The following DGKG variants were observed in gnomAD, a reference collection of about 807,000 sequenced individuals.
DGKG encodes DAG kinase gamma.
A neutral mutation model predicts 105.3 loss-of-function variants in DGKG; 78 were observed. The observed-to-expected ratio is 0.74, with a 90% confidence interval of 0.62 to 0.89. DGKG has a LOEUF of 0.89. Ranked by LOEUF, DGKG falls within the 40% of genes least tolerant of loss-of-function variation. The pLI, the probability that DGKG is intolerant of heterozygous loss-of-function variation, is 0.00. For missense variants in DGKG, 958 were observed against 1,020.1 expected (o/e 0.94, Z 0.83); for synonymous variants, 346 against 367.1 (o/e 0.94, Z 0.66).
chr3:186,311,379 G>A (rs1438392931), intron 2 of DGKG, among the ~76,000 whole-genome samples: 1 of 152,166 alleles, frequency 6.6e-6, no homozygotes, highest in African/African-American at 2.4e-5. Flanking sequence ...CATTGTTTAA[G>A]TGGACAACAC....
intron 1 of DGKG, among the ~76,000 whole-genome samples, chr3:186,347,847 C>T (rs1310201046): frequency 6.6e-6 from 1 of 152,088 alleles, no homozygotes. Context: ...CCTCCTGAAG[C>T]GCTGGGATTA....
intron 20 of DGKG, among the ~76,000 whole-genome samples, chr3:186,233,450 A>G (rs575473743): frequency 6.6e-6 from 1 of 152,080 alleles, no homozygotes; most frequent in African/African-American, 2.4e-5. Context: ...CAACCTCCAG[A>G]ACTGTAACAC....
At chr3:186,184,292 T>C (rs1717512924) in intron 22 of DGKG, among the ~76,000 whole-genome samples, 1 of 152,168 alleles carries the variant, frequency 6.6e-6, no homozygotes, top group South Asian at 2.1e-4. Flanking sequence ...AAGGCAAAAT[T>C]TAAACCCAGA....
chr3:186,169,321 T>C (rs915175466), intron 22 of DGKG, among the ~76,000 whole-genome samples: 1 of 152,224 alleles, frequency 6.6e-6, no homozygotes, highest in Non-Finnish European at 1.5e-5. Flanking sequence ...CCCAACAAAA[T>C]CTTAACAGTG....
At chr3:186,337,587 A>G (rs193059124) in intron 1 of DGKG, among the ~76,000 whole-genome samples, 3 of 152,172 alleles carry the variant, frequency 2.0e-5, no homozygotes, top group Admixed American at 1.3e-4. Context: ...TAGAAACTCT[A>G]CTATTCAGCA....
intron 20 of DGKG, among the ~76,000 whole-genome samples, chr3:186,229,970 T>G (rs1720065562): frequency 6.6e-6 from 1 of 152,056 alleles, no homozygotes; most frequent in Admixed American, 6.5e-5. Context: ...TCAAAAACAC[T>G]GGAGATGGGC....
rs1409418007 is a variant in DGKG at position 186,361,724 on chromosome 3, G to A, written c.-249+222C>T. Among the ~76,000 whole-genome samples, 3 of 152,184 alleles carry A rather than the reference G, an allele frequency of 2.0e-5. No homozygotes were observed. The highest frequency in any genetic ancestry group is 2.9e-5 in the Non-Finnish European group (2 of 68,030). The stretch of plus-strand genomic sequence containing the variant: ...GCCTCTCAGTCGCAGAGAGAGCCGA[G>A]CCCCACCCTGTGCGTTCCCCAAGCC... On this transcript the variant is annotated intron_variant, in intron 1 of 24. Transcript: ENST00000265022. The surrounding 1 kb of genome is among the most constrained non-coding windows in gnomAD (Gnocchi z 6.8).
intron 20 of DGKG, among the ~76,000 whole-genome samples, chr3:186,215,819 C>T (rs1279358404): frequency 2.6e-5 from 4 of 152,080 alleles, no homozygotes; most frequent in Non-Finnish European, 5.9e-5. Context: ...ATATTGATTT[C>T]CCAGTGGCAG....
chr3:186,294,472 G>T (rs1008227837), intron 5 of DGKG, among the ~76,000 whole-genome samples: 3 of 148,272 alleles, frequency 2.0e-5, no homozygotes, highest in Non-Finnish European at 3.0e-5. Flanking sequence ...GGAGGCAGAG[G>T]TTGTGGTGAG....
chr3:186,353,584 TATATATAC>T (rs1478182088), intron 1 of DGKG, among the ~76,000 whole-genome samples: 59 of 142,134 alleles, frequency 4.2e-4, no homozygotes, highest in African/African-American at 1.3e-3. Context: ...TATATATATA[TATATATAC>T]ACACACACAC....
intron 1 of DGKG, among the ~76,000 whole-genome samples, chr3:186,344,121 T>C (rs1292294455): frequency 6.6e-6 from 1 of 152,242 alleles, no homozygotes; most frequent in Non-Finnish European, 1.5e-5. Context: ...AAGGGAATAC[T>C]TAAACACTGT....
intron 20 of DGKG, among the ~76,000 whole-genome samples, chr3:186,236,856 A>G (rs1044083629): frequency 5.3e-5 from 8 of 152,230 alleles, no homozygotes; most frequent in African/African-American, 1.7e-4. Context: ...AAGTGGATAC[A>G]CTCAACAGGT....
intron 22 of DGKG, among the ~76,000 whole-genome samples, chr3:186,183,525 C>T (rs1421457712): frequency 2.0e-5 from 3 of 151,532 alleles, no homozygotes; most frequent in African/African-American, 4.9e-5. Flanking sequence ...GGGGTAACTA[C>T]TTGAGGCCAG....
At chr3:186,300,663 G>A (rs1723877435) in intron 3 of DGKG, among the ~76,000 whole-genome samples, 1 of 152,140 alleles carries the variant, frequency 6.6e-6, no homozygotes, top group African/African-American at 2.4e-5. Context: ...GTTCCAAAGT[G>A]TACTATTAAT....
At chr3:186,263,829 G>A (rs1327896100) in intron 14 of DGKG, among the ~76,000 whole-genome samples, 1 of 152,180 alleles carries the variant, frequency 6.6e-6, no homozygotes, top group Non-Finnish European at 1.5e-5. Context: ...ATACACCAAT[G>A]TGGACGCACA....
chr3:186,328,108 C>A (rs1476611530), intron 1 of DGKG, among the ~76,000 whole-genome samples: 1 of 152,202 alleles, frequency 6.6e-6, no homozygotes, highest in African/African-American at 2.4e-5. Context: ...TGCCTTTGAT[C>A]TACTTGAAAT....
intron 11 of DGKG, among the ~76,000 whole-genome samples, chr3:186,269,405 G>T (rs1249918271): frequency 2.0e-5 from 3 of 152,192 alleles, no homozygotes; most frequent in African/African-American, 7.2e-5. Context: ...GTGGGAATTG[G>T]TATAAGAAGT....
chr3:186,153,559 C>T (rs975571135), intron 24 of DGKG, among the ~76,000 whole-genome samples: 3 of 152,252 alleles, frequency 2.0e-5, no homozygotes, highest in Non-Finnish European at 4.4e-5. Flanking sequence ...CATGATAGTT[C>T]GAAGTTCACA....
intron 13 of DGKG, 70 bp downstream of exon 13, chr3:186,267,615 C>G: frequency 8.1e-7 from 1 of 1,236,192 alleles, no homozygotes. Context: ...ATGTGAATGT[C>G]TGAAAGCTGC....
Sources: gnomAD v4.1 joint callset for allele counts (sites outside exome capture counted in the v4.1 genomes callset) on GRCh38, gnomAD v4.1.1 for gene constraint, Gnocchi (gnomAD v3.1) non-coding constraint, MANE v1.5 for transcripts, NCBI Gene and HGNC (gene_info 2026-07-23, HGNC 2026-07-21) for gene names.